Variants in PPP2R2B observed in about 807,000 individuals in gnomAD.
PPP2R2B encodes the protein serine/threonine-protein phosphatase 2A 55 kDa regulatory subunit B beta isoform.
PPP2R2B carries 5 observed loss-of-function variants against 46.0 expected under a neutral mutation model. The observed-to-expected ratio is 0.11, with a 90% CI of 0.06 to 0.23. The LOEUF (loss-of-function observed/expected upper bound fraction) is 0.23. PPP2R2B is among the 10% of genes least tolerant of loss of function. The pLI is 1.00. For synonymous variants in PPP2R2B, 215 were observed against 206.7 expected, an observed-to-expected ratio of 1.04 and a Z score of -0.34; for missense variants, 367 against 575.0, an observed-to-expected ratio of 0.64 and a Z score of 3.70.
chr5:146,802,418 T>G (rs1448123904), intron 2 of PPP2R2B, among the ~76,000 whole-genome samples: 1 of 152,202 alleles, frequency 6.6e-6, no homozygotes, highest in East Asian at 1.9e-4. Flanking sequence ...TTATCACTAT[T>G]TGTGTGTATT....
chr5:146,892,106 A>G (rs1447854280), intron 1 of PPP2R2B, among the ~76,000 whole-genome samples: 2 of 152,144 alleles, frequency 1.3e-5, no homozygotes, highest in Admixed American at 6.5e-5. Context: ...AAATGTTTTT[A>G]CTTACTTTTT....
chr5:146,809,631 A>T (rs1360841251), intron 2 of PPP2R2B, among the ~76,000 whole-genome samples: 1 of 152,210 alleles, frequency 6.6e-6, no homozygotes, highest in East Asian at 1.9e-4. Context: ...GAGCTTAGTA[A>T]GCAAGGAGTG....
At chr5:146,706,959 C>T (rs1779901255) in intron 2 of PPP2R2B, 1 of 1,042,650 alleles carries the variant, frequency 9.6e-7, no homozygotes, top group African/African-American at 1.6e-5. Flanking sequence ...AAGTTGATAT[C>T]GTCAGCCCTT....
At chr5:146,965,274 T>C (rs545224055) in intron 1 of PPP2R2B, among the ~76,000 whole-genome samples, 1 of 152,320 alleles carries the variant, frequency 6.6e-6, no homozygotes, top group African/African-American at 2.4e-5. Flanking sequence ...TTTCAAGCTA[T>C]AGAATTCTTA....
chr5:147,077,301 CACA>C (rs1561616378), intron 2 of PPP2R2B, among the ~76,000 whole-genome samples: 2 of 147,392 alleles, frequency 1.4e-5, no homozygotes, highest in East Asian at 2.0e-4. Flanking sequence ...CACACACACA[CACA>C]CACACACCCA....
chr5:147,014,461 C>T (rs1426235542), intron 1 of PPP2R2B, among the ~76,000 whole-genome samples: 1 of 151,900 alleles, frequency 6.6e-6, no homozygotes, highest in Non-Finnish European at 1.5e-5. Flanking sequence ...GCATTTTTCA[C>T]AATAGCAAAG....
In PPP2R2B at chr5:146,691,197, C is replaced by G. The variant is rs773124601; in HGVS notation, c.378G>C (p.Arg126Ser). Residue 126 changes from arginine to serine, a missense_variant, in exon 5 of 10, where the codon AGG becomes AGC. This residue lies in a region of PPP2R2B where 361 missense variants were observed against 545.5 expected (regional missense o/e 0.66). Transcript: ENST00000394411. ...CATCTTTCAGATTGTAGCCTTCTGGCCTCTTATCACGCTCGCTGACTTTCC... is the reference window on the plus strand; with the variant it reads ...CATCTTTCAGATTGTAGCCTTCTGGGCTCTTATCACGCTCGCTGACTTTCC... Reference protein sequence around the residue: ...KLWKVSERDKRPEGYNLKDEE... With the variant: ...KLWKVSERDKSPEGYNLKDEE... 1 of 1,614,146 alleles carries G rather than the reference C, an allele frequency of 6.2e-7. No individual in the cohort carries two copies. Among genetic ancestry groups the G allele is most frequent in the Non-Finnish European group, 8.5e-7 (1 of 1,180,042 alleles).
At chr5:146,992,173 TACAG>T (rs1486499188) in intron 1 of PPP2R2B, among the ~76,000 whole-genome samples, 2 of 152,104 alleles carry the variant, frequency 1.3e-5, no homozygotes, top group African/African-American at 4.8e-5. Flanking sequence ...AAAACACACA[TACAG>T]ACAAACAGAA....
intron 2 of PPP2R2B, among the ~76,000 whole-genome samples, chr5:146,850,905 T>C (rs761798698): frequency 4.6e-5 from 7 of 152,136 alleles, no homozygotes; most frequent in Non-Finnish European, 1.0e-4. Flanking sequence ...AATCTATCCA[T>C]ACTGCTGTAA....
chr5:146,862,153 G>T (rs1761044403), intron 2 of PPP2R2B, among the ~76,000 whole-genome samples: 1 of 152,192 alleles, frequency 6.6e-6, no homozygotes, highest in Non-Finnish European at 1.5e-5. Context: ...TTAAACTTTA[G>T]TTGGGGTAGG....
At chr5:146,851,778 A>G (rs2151382722) in intron 2 of PPP2R2B, among the ~76,000 whole-genome samples, 1 of 152,228 alleles carries the variant, frequency 6.6e-6, no homozygotes, top group Admixed American at 6.5e-5. Context: ...GCTCTTTAAG[A>G]TGCATATCTC....
chr5:146,862,193 C>A (rs1761046274), intron 2 of PPP2R2B, among the ~76,000 whole-genome samples: 1 of 152,176 alleles, frequency 6.6e-6, no homozygotes, highest in African/African-American at 2.4e-5. Flanking sequence ...TTCAGAGGGA[C>A]CTGCAAGTCT....
At chr5:146,779,402 C>A (rs749771532) in intron 2 of PPP2R2B, among the ~76,000 whole-genome samples, 1 of 152,094 alleles carries the variant, frequency 6.6e-6, no homozygotes, top group African/African-American at 2.4e-5. Context: ...TACAGTGAGG[C>A]GTGCGATTGG....
At chr5:146,622,170 C>A (rs1311159845) in intron 7 of PPP2R2B, among the ~76,000 whole-genome samples, 1 of 152,238 alleles carries the variant, frequency 6.6e-6, no homozygotes, top group Non-Finnish European at 1.5e-5. Context: ...CAAGCCCCCT[C>A]TACCTTTGCC....
At chr5:147,004,789 C>T (rs1378568235) in intron 1 of PPP2R2B, among the ~76,000 whole-genome samples, 1 of 152,146 alleles carries the variant, frequency 6.6e-6, no homozygotes, top group African/African-American at 2.4e-5. Context: ...TTTCTTTATA[C>T]ATCACAGAGA....
At chr5:147,032,954 T>C (rs979806314) in intron 1 of PPP2R2B, among the ~76,000 whole-genome samples, 6 of 152,200 alleles carry the variant, frequency 3.9e-5, no homozygotes, top group Admixed American at 2.6e-4. Flanking sequence ...TTGTTTTCCA[T>C]AGTGGCTGTA....
At position 146,946,019 on chromosome 5, in the gene PPP2R2B, G is replaced by C. The variant is rs186880359; in HGVS notation, c.79+109646C>G. 8.5e-4 allele frequency among the ~76,000 whole-genome samples: 129 copies of C among 152,190 alleles called. 1 individual carries two copies. The Middle Eastern group carries it at 0.02, about 24-fold the overall frequency. ...GCTGAGTGAGATTTGTTACATTTGGGCTATCGATTCTAATTCACAATTTAG... is the reference window on the plus strand; with the variant it reads ...GCTGAGTGAGATTTGTTACATTTGGCCTATCGATTCTAATTCACAATTTAG... On this transcript the variant is annotated intron_variant, in intron 1 of 8. Coordinates refer to the PPP2R2B transcript ENST00000336640.
intron 2 of PPP2R2B, among the ~76,000 whole-genome samples, chr5:146,822,936 G>C (rs1758357804): frequency 6.6e-6 from 1 of 152,150 alleles, no homozygotes; most frequent in African/African-American, 2.4e-5. Flanking sequence ...CTTGTAGGAA[G>C]AAGTGAGCAA....
At chr5:146,977,405 C>T (rs903035577) in intron 1 of PPP2R2B, among the ~76,000 whole-genome samples, 18 of 151,674 alleles carry the variant, frequency 1.2e-4, no homozygotes, top group African/African-American at 2.7e-4. Flanking sequence ...CTTTAAGTTC[C>T]GGGATACATG....
Sources: gnomAD v4.1 joint callset for allele counts (sites outside exome capture counted in the v4.1 genomes callset) on GRCh38, gnomAD v4.1.1 for gene constraint, gnomAD v4.1.1 regional missense constraint, MANE v1.5 for transcripts, NCBI Gene and HGNC (gene_info 2026-07-23, HGNC 2026-07-21) for gene names.